NF1: variants seen among roughly 807,000 people sequenced by gnomAD.
The protein encoded by NF1 is neurofibromin 1, also known as neurofibromin.
NF1 carries 122 observed loss-of-function variants against 325.7 expected under a neutral mutation model. That is an observed-to-expected ratio of 0.37 (90% CI 0.32 to 0.44). NF1 has a LOEUF of 0.44. Among genes scored for constraint, NF1 ranks in the 20% least tolerant of loss-of-function variants. The pLI, the probability that NF1 is intolerant of heterozygous loss-of-function variation, is 1.00. For missense variants in NF1, 2,140 were observed against 3,415.4 expected (o/e 0.63, Z 9.31); for synonymous variants, 1,091 against 1,186.0 (o/e 0.92, Z 1.65).
chr17:31,207,300 A>G (rs1597690297), intron 12 of NF1, among the ~76,000 whole-genome samples: 1 of 152,152 alleles, frequency 6.6e-6, no homozygotes, highest in Non-Finnish European at 1.5e-5. Flanking sequence ...AACTGAAAAT[A>G]TAGCATGTCT....
chr17:31,338,735 C>A lies in NF1; in HGVS notation c.6851C>A (p.Thr2284Asn). ...GAGAGTTGCTTAAAAGGACCTGACA[C>A]TTACAACAGTCAAGTTCTGATAGAA... ...ALESCLKGPD[T>N]YNSQVLIEAT... is the part of the protein sequence containing the mutation. The change falls in exon 46 of 58, where the codon ACT becomes AAT. Residue 2284 changes from threonine to asparagine, a missense_variant. Transcript: ENST00000358273. The A allele has an allele frequency of 6.2e-7, 1 of 1,613,314 alleles. No individual in the cohort carries two copies. Among genetic ancestry groups the A allele is most frequent in the Non-Finnish European group, 8.5e-7 (1 of 1,179,490 alleles).
chr17:31,318,317 TGTTA>T (rs781617241), intron 36 of NF1: 59 of 1,608,076 alleles, frequency 3.7e-5, no homozygotes, highest in Non-Finnish European at 4.8e-5. Context: ...CCTATCTGTT[TGTTA>T]GTAAGTTTTT....
At chr17:31,225,346 T>C in intron 17 of NF1, 96 bp downstream of exon 17, 1 of 1,396,478 alleles carries the variant, frequency 7.2e-7, no homozygotes, top group Non-Finnish European at 1.0e-6. Flanking sequence ...TATAGTGTAA[T>C]AGTGAAAAAC....
At chr17:31,250,752 TAAGA>T (rs1180592470) in intron 30 of NF1, 1 of 188,714 alleles carries the variant, frequency 5.3e-6, no homozygotes, top group Non-Finnish European at 1.1e-5. Flanking sequence ...CTTTCACAGC[TAAGA>T]AAGGAGGAAA....
chr17:31,163,487 G>T (rs952731322), intron 4 of NF1, 111 bp downstream of exon 4: 25 of 1,224,022 alleles, frequency 2.0e-5, no homozygotes, highest in Non-Finnish European at 2.5e-5. Context: ...TTTTGTTTTT[G>T]AGACAAGTTC....
intron 57 of NF1, among the ~76,000 whole-genome samples, chr17:31,370,428 T>G (rs756458142): frequency 6.6e-6 from 1 of 152,244 alleles, no homozygotes; most frequent in Non-Finnish European, 1.5e-5. Flanking sequence ...CAGTTTCTTT[T>G]TTTTATATAC....
Position 31,198,746 on chromosome 17 carries a change from C to T in NF1, c.889-1676C>T, listed in dbSNP as rs1018034783. On this transcript the variant is annotated intron_variant, in intron 8 of 57. Transcript: ENST00000358273. The stretch of plus-strand genomic sequence containing the variant: ...TCTCCTGCTTCAGCTTCCCTAGTAG[C>T]TGGGACTACAGGCATGCACCACCAT... 3.6e-4 allele frequency among the ~76,000 whole-genome samples: 55 copies of T among 152,122 alleles called. 1 individual carries two copies.
chr17:31,263,431 TAAAG>T (rs763128878), intron 35 of NF1, among the ~76,000 whole-genome samples: 37 of 150,834 alleles, frequency 2.5e-4, no homozygotes, highest in Non-Finnish European at 4.4e-4. Context: ...TGTCTATAAA[TAAAG>T]AAATAAGTAA....
At chr17:31,216,016 C>G (rs1306808119) in intron 13 of NF1, among the ~76,000 whole-genome samples, 2 of 152,098 alleles carry the variant, frequency 1.3e-5, no homozygotes, top group Non-Finnish European at 2.9e-5. Flanking sequence ...CCTGAAAAAC[C>G]CATTCAAGTT....
intron 31 of NF1, among the ~76,000 whole-genome samples, chr17:31,254,450 A>G (rs1056710881): frequency 6.6e-6 from 1 of 152,078 alleles, no homozygotes; most frequent in Non-Finnish European, 1.5e-5. Flanking sequence ...TATTAAGTAA[A>G]TTTGCCTAGC....
chr17:31,152,320 CAGTTTCA>C (rs1260242253), intron 1 of NF1, among the ~76,000 whole-genome samples: 1 of 151,640 alleles, frequency 6.6e-6, no homozygotes, highest in East Asian at 1.9e-4. Context: ...ATTAAAGATA[CAGTTTCA>C]AGTTTTTAAA....
At chr17:31,348,172 G>T (rs2070044831) in intron 48 of NF1, among the ~76,000 whole-genome samples, 1 of 96,370 alleles carries the variant, frequency 1.0e-5, no homozygotes, top group Non-Finnish European at 2.2e-5. Context: ...GAGTAGTTAT[G>T]CCATAGAGAA....
At chr17:31,145,149 C>T (rs182884182) in intron 1 of NF1, among the ~76,000 whole-genome samples, 3 of 152,256 alleles carry the variant, frequency 2.0e-5, no homozygotes, top group African/African-American at 4.8e-5. Flanking sequence ...CAACTACTGC[C>T]GTGAATGCTC....
chr17:31,161,945 A>C (rs1037384798), intron 3 of NF1, among the ~76,000 whole-genome samples: 3 of 149,570 alleles, frequency 2.0e-5, no homozygotes, highest in Non-Finnish European at 4.4e-5. Context: ...CTGAGGCAGG[A>C]GAACCACTTG....
chr17:31,302,671 C>G (rs1233784298), intron 36 of NF1, among the ~76,000 whole-genome samples: 1 of 151,752 alleles, frequency 6.6e-6, no homozygotes, highest in East Asian at 1.9e-4. Context: ...GAAACCCCAT[C>G]TCTACTAAAA....
intron 1 of NF1, among the ~76,000 whole-genome samples, chr17:31,100,087 A>G (rs1912177969): frequency 1.3e-5 from 2 of 152,096 alleles, no homozygotes; most frequent in Admixed American, 6.5e-5. Flanking sequence ...AAGCAATTAT[A>G]TTTTCCATAT....
At chr17:31,358,714 G>A (rs1365067736) in intron 55 of NF1, 92 bp downstream of exon 55, 16 of 1,494,792 alleles carry the variant, frequency 1.1e-5, no homozygotes, top group Non-Finnish European at 1.3e-5. Flanking sequence ...CTTTATAAGG[G>A]ATAGACTTGT....
In NF1 at chr17:31,183,514, ATC is replaced by A. The variant is rs1392515853; in HGVS notation, c.888+852_888+853del. 2.0e-5 allele frequency: 3 copies of A among 152,378 alleles called. No individual in the cohort carries two copies. In the East Asian group the frequency reaches 5.8e-4, roughly 29 times the overall value. The allele number at this position is 152,378 out of a possible 1,614,324, so 9.4% of individuals were successfully genotyped here. ...TGCGTGTTACTCCACTTAGGTGTAT[ATC>A]TCAACTTTTCCATTATGAGGACACC... On this transcript the variant is annotated intron_variant, in intron 8 of 57. Coordinates refer to ENST00000358273, the MANE Select transcript of NF1 (RefSeq NM_001042492.3).
At position 31,336,260 on chromosome 17, in the gene NF1, C is replaced by T. The variant is rs2151552913; in HGVS notation, c.6007-73C>T. On this transcript the variant is annotated intron_variant, in intron 40 of 57. Coordinates refer to ENST00000358273, the MANE Select transcript of NF1 (RefSeq NM_001042492.3). The surrounding 1 kb of genome is among the most constrained non-coding windows in gnomAD (Gnocchi z 5.5). ...AATTTTCATATTGATTAGGCTGTTC[C>T]AATGAATATTTTTTAATTAAAAATT... 1 of 1,506,160 alleles carries T rather than the reference C, an allele frequency of 6.6e-7. No homozygotes were observed. The highest frequency in any genetic ancestry group is 9.1e-7 in the Non-Finnish European group (1 of 1,098,296). 93.3% of individuals were successfully genotyped at this position (1,506,160 alleles called of 1,614,324 possible). A position where few individuals can be genotyped will look rare whatever the true frequency, so the allele number is the denominator to read the frequency against.
Sources: gnomAD v4.1 joint callset for allele counts (sites outside exome capture counted in the v4.1 genomes callset) on GRCh38, gnomAD v4.1.1 for gene constraint, Gnocchi (gnomAD v3.1) non-coding constraint, MANE v1.5 for transcripts, NCBI Gene and HGNC (gene_info 2026-07-23, HGNC 2026-07-21) for gene names.